Variants in TACC2 observed in about 807,000 individuals in gnomAD.
The protein encoded by TACC2 is transforming acidic coiled-coil-containing protein 2.
TACC2 carries 137 observed loss-of-function variants against 227.3 expected under a neutral mutation model. That is an observed-to-expected ratio of 0.60 (90% CI 0.52 to 0.69). The LOEUF is 0.69. Among genes scored for constraint, TACC2 ranks in the 30% least tolerant of loss-of-function variants. The pLI is 0.00. For missense variants in TACC2, 3,470 were observed against 3,694.4 expected (o/e 0.94, Z 1.57); for synonymous variants, 1,523 against 1,487.5 (o/e 1.02, Z -0.55).
intron 3 of TACC2, among the ~76,000 whole-genome samples, chr10:122,069,683 T>A (rs1011519739): frequency 6.6e-6 from 1 of 152,230 alleles, no homozygotes; most frequent in Non-Finnish European, 1.5e-5. Flanking sequence ...TCTGAAAACA[T>A]TGAAAAGCCA....
At chr10:122,229,998 G>A (rs1369229038) in intron 15 of TACC2, among the ~76,000 whole-genome samples, 1 of 152,150 alleles carries the variant, frequency 6.6e-6, no homozygotes, top group Non-Finnish European at 1.5e-5. Context: ...AGCCATCTGA[G>A]AGATGCAGCT....
intron 7 of TACC2, among the ~76,000 whole-genome samples, chr10:122,144,697 C>CA (rs1350433711): frequency 6.6e-6 from 1 of 152,104 alleles, no homozygotes; most frequent in Non-Finnish European, 1.5e-5. Context: ...TCTAGAATAC[C>CA]GGGTAACAGT....
intron 7 of TACC2, among the ~76,000 whole-genome samples, chr10:122,156,896 A>AGCCC (rs1276502814): frequency 1.3e-5 from 2 of 152,152 alleles, no homozygotes; most frequent in Admixed American, 6.5e-5. Context: ...GGATCACTTG[A>AGCCC]GCCCAGGAGT....
rs549026828 is a variant in TACC2 at position 122,210,140 on chromosome 10, T to C, written c.5972-257T>C. ...TTGGTGAATGTTTTTGAATGAATAC[T>C]CTGAGCTGTTCTTTAATCGGTCCTC... On this transcript the variant is annotated intron_variant, in intron 8 of 22. Coordinates refer to ENST00000369005, the MANE Select transcript of TACC2 (RefSeq NM_206862.4). This position sits in a 1 kb window ranked among gnomAD's most constrained non-coding sequence, Gnocchi z 4.6. 26 of 548,902 alleles carry C rather than the reference T, an allele frequency of 4.7e-5. No homozygotes were observed. The Admixed American group carries it at 4.8e-4, about 10-fold the overall frequency. The allele number at this position is 548,902 out of a possible 1,614,324, so 34.0% of individuals were successfully genotyped here. A position where few individuals can be genotyped will look rare whatever the true frequency, so the allele number is the denominator to read the frequency against.
At chr10:122,146,571 C>G (rs1396634723) in intron 7 of TACC2, among the ~76,000 whole-genome samples, 3 of 152,068 alleles carry the variant, frequency 2.0e-5, no homozygotes, top group African/African-American at 7.2e-5. Context: ...TACTCAGCCC[C>G]CTCGTTATAG....
intron 8 of TACC2, among the ~76,000 whole-genome samples, chr10:122,199,098 T>C (rs1394666705): frequency 6.6e-6 from 1 of 152,220 alleles, no homozygotes; most frequent in Non-Finnish European, 1.5e-5. Flanking sequence ...AGGCCCGTGT[T>C]GGGGCCTTGG....
chr10:122,006,498 C>T (rs1333526189), intron 1 of TACC2, among the ~76,000 whole-genome samples: 1 of 129,174 alleles, frequency 7.7e-6, no homozygotes. Flanking sequence ...GGATGCCACT[C>T]TAATCCTTTT....
At position 122,109,696 on chromosome 10, in the gene TACC2, A is replaced by G. The variant is rs180704559; in HGVS notation, c.5573+21105A>G. Among the ~76,000 whole-genome samples the G allele has an allele frequency of 1.9e-3, 289 of 152,332 alleles. 1 individual carries two copies. The highest frequency in any genetic ancestry group is 6.8e-3 in the African/African-American group (281 of 41,582). On this transcript the variant is annotated intron_variant, in intron 5 of 22. Coordinates refer to ENST00000369005, the MANE Select transcript of TACC2 (RefSeq NM_206862.4). Reference sequence around the variant, plus strand: ...GCTATCTGGCATTTGCTTCAAAACAATCTGGGTAGCAGAGGGAAAGTGGGA... The same window carrying G: ...GCTATCTGGCATTTGCTTCAAAACAGTCTGGGTAGCAGAGGGAAAGTGGGA...
Position 122,152,999 on chromosome 10 carries a change from C to CTTTTTTTTT in TACC2, c.5834+9295_5834+9303dup, listed in dbSNP as rs150943859. Among the ~76,000 whole-genome samples, 131 of 134,868 alleles carry CTTTTTTTTT rather than the reference C, an allele frequency of 9.7e-4. 1 individual carries two copies. Among genetic ancestry groups the CTTTTTTTTT allele is most frequent in the African/African-American group, 2.0e-3 (75 of 37,608 alleles). The allele number at this position is 134,868 out of a possible 152,430, so 88.5% of individuals were successfully genotyped here. ...GCTTTTGATATATATTTCTTTCTTT[C>CTTTTTTTTT]TTTTTTTTTTGAGACGGAGTCTCAC... On this transcript the variant is annotated intron_variant, in intron 7 of 22. Coordinates refer to ENST00000369005, the MANE Select transcript of TACC2 (RefSeq NM_206862.4).
chr10:122,075,588 A>G (rs1293617500), intron 3 of TACC2, among the ~76,000 whole-genome samples: 1 of 152,130 alleles, frequency 6.6e-6, no homozygotes, highest in Non-Finnish European at 1.5e-5. Context: ...GTGTTGGGAA[A>G]GTCTCTAATT....
chr10:122,157,210 G>T (rs2092547025), intron 7 of TACC2, among the ~76,000 whole-genome samples: 1 of 152,198 alleles, frequency 6.6e-6, no homozygotes, highest in Admixed American at 6.5e-5. Context: ...TTGTCCTAAT[G>T]CTGCCCTTTG....
chr10:122,066,892 A>C (rs1447810184), intron 3 of TACC2, among the ~76,000 whole-genome samples: 1 of 152,210 alleles, frequency 6.6e-6, no homozygotes, highest in Non-Finnish European at 1.5e-5. Flanking sequence ...ATACATCTTT[A>C]ATATCTCACA....
At chr10:122,123,669 A>G (rs949810404) in intron 5 of TACC2, among the ~76,000 whole-genome samples, 3 of 152,172 alleles carry the variant, frequency 2.0e-5, no homozygotes, top group Non-Finnish European at 4.4e-5. Context: ...GACTTATGAC[A>G]GCCTTTGCTT....
intron 3 of TACC2, among the ~76,000 whole-genome samples, chr10:122,073,961 T>C (rs2136827427): frequency 6.6e-6 from 1 of 151,416 alleles, no homozygotes; most frequent in African/African-American, 2.4e-5. Flanking sequence ...TTTGTATGTT[T>C]TATAGAGACA....
intron 7 of TACC2, among the ~76,000 whole-genome samples, chr10:122,144,819 C>T (rs1592571920): frequency 6.6e-6 from 1 of 152,272 alleles, no homozygotes; most frequent in African/African-American, 2.4e-5. Context: ...CTCTGTTGGT[C>T]CTGAGTCCCA....
At chr10:122,000,795 G>T (rs746188719) in intron 1 of TACC2, among the ~76,000 whole-genome samples, 13 of 151,506 alleles carry the variant, frequency 8.6e-5, no homozygotes, top group Non-Finnish European at 1.6e-4. Flanking sequence ...GTTTTGTTTT[G>T]TTTTCTGTTT....
At chr10:122,019,127 G>C (rs1034400366) in intron 1 of TACC2, among the ~76,000 whole-genome samples, 8 of 152,206 alleles carry the variant, frequency 5.3e-5, no homozygotes, top group African/African-American at 1.7e-4. Context: ...CTTTGGGTCG[G>C]TACTCTGCCC....
intron 12 of TACC2, among the ~76,000 whole-genome samples, 179 bp from the exon 13 acceptor site, chr10:122,226,187 C>T (rs1452932467): frequency 6.6e-6 from 1 of 152,194 alleles, no homozygotes; most frequent in African/African-American, 2.4e-5. Flanking sequence ...CCCTCCTGGC[C>T]TCCCCACCTC....
At chr10:122,214,545 G>T (rs2095361978) in intron 9 of TACC2, among the ~76,000 whole-genome samples, 1 of 152,140 alleles carries the variant, frequency 6.6e-6, no homozygotes, top group African/African-American at 2.4e-5. Context: ...TGGAGACGGG[G>T]CAGGGGCCAG....
Sources: allele counts gnomAD v4.1 joint callset (sites outside exome capture counted in the v4.1 genomes callset), GRCh38; gene constraint gnomAD v4.1.1; non-coding constraint Gnocchi (gnomAD v3.1); transcripts MANE v1.5; gene names NCBI Gene and HGNC (gene_info 2026-07-23, HGNC 2026-07-21).